SLC35A1: variants seen among roughly 807,000 people sequenced by gnomAD.
SLC35A1 encodes CMP-sialic acid transporter.
Under a neutral mutation model 40.3 loss-of-function variants are expected in SLC35A1, and 21 were observed. That is an observed-to-expected ratio of 0.52 (90% confidence interval 0.37 to 0.75). SLC35A1 has a LOEUF of 0.75. Among genes scored for constraint, SLC35A1 ranks in the 30% least tolerant of loss-of-function variants. The probability of loss-of-function intolerance (pLI) is 0.00; values close to 1 mark genes in which losing one functional copy is unlikely to be tolerated. For missense variants in SLC35A1, 297 were observed against 382.1 expected, an observed-to-expected ratio of 0.78 and a Z score of 1.86; for synonymous variants, 146 against 147.3, an observed-to-expected ratio of 0.99 and a Z score of 0.06.
At chr6:87,491,868 C>T (rs1052984442) in intron 2 of SLC35A1, among the ~76,000 whole-genome samples, 4 of 152,194 alleles carry the variant, frequency 2.6e-5, no homozygotes, top group African/African-American at 9.6e-5. Flanking sequence ...ACTCTACCCT[C>T]ATCACCTCAC....
chr6:87,484,969 TTTTAGA>T (rs1769353690), intron 2 of SLC35A1, among the ~76,000 whole-genome samples: 1 of 152,204 alleles, frequency 6.6e-6, no homozygotes, highest in Admixed American at 6.5e-5. Context: ...TATAATGGTC[TTTTAGA>T]TTTAGTGTTT....
At position 87,501,169 on chromosome 6, in the gene SLC35A1, G is replaced by GA. The variant is rs755056639; in HGVS notation, c.366_367insA (p.Leu123IlefsTer74). 6.2e-7 allele frequency: 1 copy of GA among 1,613,532 alleles called. No individual in the cohort carries two copies. The highest frequency in any genetic ancestry group is 1.7e-5 in the Admixed American group (1 of 60,020). ...TCTCTTTTTTTTAGGTGACCTACCA[G>GA]TTGAAGATTCCGTGTACTGCTTTAT... is the stretch of plus-strand genomic sequence containing the variant. On this transcript the variant is annotated frameshift_variant, in exon 4 of 8. Coordinates refer to ENST00000369552, the MANE Select transcript of SLC35A1 (RefSeq NM_006416.5). LOFTEE classifies it high-confidence loss of function.
chr6:87,495,953 CCAAT>C (rs1769714377), intron 2 of SLC35A1: 1 of 152,202 alleles, frequency 6.6e-6, no homozygotes, highest in South Asian at 2.1e-4. Context: ...CCGTGCCTGG[CCAAT>C]CAAAGTCTTT....
chr6:87,508,926 A>G (rs1770171612), intron 6 of SLC35A1, 115 bp from the exon 7 acceptor site: 1 of 1,133,774 alleles, frequency 8.8e-7, no homozygotes, highest in East Asian at 2.4e-5. Context: ...TAAGGAAAAC[A>G]GTATTTTCCT....
At chr6:87,489,485 G>A (rs963058332) in intron 2 of SLC35A1, among the ~76,000 whole-genome samples, 13 of 150,806 alleles carry the variant, frequency 8.6e-5, no homozygotes, top group African/African-American at 2.2e-4. Context: ...GAAAGCCCTC[G>A]AAGAAGCCAG....
intron 2 of SLC35A1, among the ~76,000 whole-genome samples, chr6:87,486,330 CTG>C (rs1268093676): frequency 2.0e-5 from 3 of 151,942 alleles, no homozygotes; most frequent in African/African-American, 4.8e-5. Flanking sequence ...ATATTCAAAT[CTG>C]TGTTTCATTC....
intron 5 of SLC35A1, among the ~76,000 whole-genome samples, chr6:87,506,680 G>T (rs1317527378): frequency 6.6e-6 from 1 of 152,030 alleles, no homozygotes; most frequent in African/African-American, 2.4e-5. Context: ...TGTTATCCTT[G>T]ACCATCTCAG....
At chr6:87,495,848 G>A (rs192748479) in intron 2 of SLC35A1, among the ~76,000 whole-genome samples, 298 of 151,972 alleles carry the variant, frequency 2.0e-3, no homozygotes, top group African/African-American at 6.9e-3. Flanking sequence ...GTAGAGACAG[G>A]GTTTCACCGT....
intron 4 of SLC35A1, among the ~76,000 whole-genome samples, chr6:87,503,569 G>T (rs1769984682): frequency 1.3e-5 from 2 of 152,018 alleles, no homozygotes; most frequent in Admixed American, 6.5e-5. Context: ...AAACTTAGCT[G>T]GGCGTGGTGG....
At chr6:87,502,779 T>G (rs149321194) in intron 4 of SLC35A1, among the ~76,000 whole-genome samples, 1 of 152,292 alleles carries the variant, frequency 6.6e-6, no homozygotes, top group African/African-American at 2.4e-5. Context: ...CCAAATAGTT[T>G]GTCTCAAATG....
intron 2 of SLC35A1, among the ~76,000 whole-genome samples, chr6:87,486,302 T>C (rs543835437): frequency 1.3e-5 from 2 of 152,360 alleles, no homozygotes; most frequent in South Asian, 4.1e-4. Flanking sequence ...TTCACTTAGA[T>C]AATAACATAC....
In SLC35A1 at chr6:87,511,674, G is replaced by A. The variant is rs970527901; in HGVS notation, c.*148G>A. The A allele has an allele frequency of 2.7e-5, 23 of 852,772 alleles. No homozygotes were observed. The highest frequency in any genetic ancestry group is 1.8e-4 in the African/African-American group (11 of 59,798). The allele number at this position is 852,772 out of a possible 1,614,324, so 52.8% of individuals were successfully genotyped here. The stretch of plus-strand genomic sequence containing the variant: ...TATGTGGAAACAACAACAAACAAAC[G>A]AAGCTATCTGAGTGAACTGCTAATA... On this transcript the variant is annotated 3_prime_UTR_variant, in exon 8 of 8. Transcript: ENST00000369552.
At chr6:87,482,621 A>T (rs1769276274) in intron 2 of SLC35A1, among the ~76,000 whole-genome samples, 2 of 152,182 alleles carry the variant, frequency 1.3e-5, no homozygotes, top group African/African-American at 4.8e-5. Context: ...TCCCTCAGTC[A>T]CACGGGAGGA....
At chr6:87,506,844 T>C (rs968864293) in intron 5 of SLC35A1, 2 of 248,758 alleles carry the variant, frequency 8.0e-6, no homozygotes, top group South Asian at 5.1e-5. Flanking sequence ...TATCTTTTTT[T>C]CCCCTATAAC....
At chr6:87,505,034 G>C (rs1770035454) in intron 4 of SLC35A1, among the ~76,000 whole-genome samples, 1 of 152,192 alleles carries the variant, frequency 6.6e-6, no homozygotes, top group East Asian at 1.9e-4. Context: ...GGTTCAGTAG[G>C]TCTGGGGTAG....
chr6:87,488,094 T>A (rs1055635114), intron 2 of SLC35A1: 1 of 152,122 alleles, frequency 6.6e-6, no homozygotes, highest in African/African-American at 2.4e-5. Context: ...ATCAACAGTT[T>A]GATTTTGGGT....
At position 87,501,219 on chromosome 6, in the gene SLC35A1, C is replaced by T; in HGVS notation, c.416C>T (p.Thr139Ile). The change falls in exon 4 of 8, where the codon ACA becomes ATA. Residue 139 changes from threonine to isoleucine, a missense_variant. Physicochemically the swap from Thr to Ile is moderately conservative, Grantham distance 89. Coordinates refer to ENST00000369552, the MANE Select transcript of SLC35A1 (RefSeq NM_006416.5). ...TGCACTGTTTTAATGTTAAACCGGA[C>T]ACTCAGCAAATTACAGTGGGTTTCA... ...ALCTVLMLNRTLSKLQWVSVF... is the reference protein window; with the variant it reads ...ALCTVLMLNRILSKLQWVSVF... 1 of 1,613,928 alleles carries T rather than the reference C, an allele frequency of 6.2e-7. No homozygotes were observed. The highest frequency in any genetic ancestry group is 1.3e-5 in the African/African-American group (1 of 74,970).
chr6:87,477,025 A>C (rs1293721169), intron 1 of SLC35A1, among the ~76,000 whole-genome samples: 1 of 152,108 alleles, frequency 6.6e-6, no homozygotes, highest in Non-Finnish European at 1.5e-5. Context: ...TCTCCAAAAA[A>C]ACCCACCACC....
intron 1 of SLC35A1, among the ~76,000 whole-genome samples, chr6:87,473,292 C>T (rs73494115): frequency 0.011 from 1,686 of 152,214 alleles, 33 homozygotes; most frequent in African/African-American, 0.038. Context: ...GGGTGGGAAC[C>T]GAATTCTGAC....
Sources: gnomAD v4.1 joint callset for allele counts (sites outside exome capture counted in the v4.1 genomes callset) on GRCh38, gnomAD v4.1.1 for gene constraint, MANE v1.5 for transcripts, NCBI Gene and HGNC (gene_info 2026-07-23, HGNC 2026-07-21) for gene names.